Variants in MGA observed in about 807,000 individuals in gnomAD.
MGA encodes the protein MAX dimerization protein MGA, also known as MAX gene-associated protein.
MGA carries 40 observed loss-of-function variants against 261.1 expected under a neutral mutation model. The observed-to-expected ratio is 0.15, with a 90% confidence interval of 0.12 to 0.20. MGA has a LOEUF of 0.20. Ranked by LOEUF, MGA falls within the 10% of genes least tolerant of loss-of-function variation. The probability of loss-of-function intolerance (pLI) is 1.00; values close to 1 mark genes in which losing one functional copy is unlikely to be tolerated. For synonymous variants in MGA, 1,302 were observed against 1,290.6 expected, an observed-to-expected ratio of 1.01 and a Z score of -0.19; for missense variants, 3,397 against 3,630.5, an observed-to-expected ratio of 0.94 and a Z score of 1.65.
intron 13 of MGA, 61 bp from the exon 14 acceptor site, chr15:41,739,845 G>A: frequency 6.6e-7 from 1 of 1,520,494 alleles, no homozygotes; most frequent in Admixed American, 1.9e-5. Flanking sequence ...CCCCTGTCAA[G>A]GGAGAGGAGT....
chr15:41,745,281 T>TTAAAA lies in MGA; in HGVS notation c.5212+2109_5212+2110insTAAAA, dbSNP rs1555432883. ...GCGAGAAACACCCAAGAATGATCAA[T>TTAAAA]AAAAAAAAAAAAAAAAAAAAAAAAA... On this transcript the variant is annotated intron_variant, in intron 15 of 23. Transcript: ENST00000219905. 8.5e-3 allele frequency among the ~76,000 whole-genome samples: 283 copies of TTAAAA among 33,204 alleles called. 45 individuals are homozygous for TTAAAA. The highest frequency in any genetic ancestry group is 0.011 in the East Asian group (5 of 460). The allele number at this position is 33,204 out of a possible 152,430, so 21.8% of individuals were successfully genotyped here. A position where few individuals can be genotyped will look rare whatever the true frequency, so the allele number is the denominator to read the frequency against.
At chr15:41,742,474 C>T (rs994981866) in intron 14 of MGA, 72 bp from the exon 15 acceptor site, 25 of 1,531,392 alleles carry the variant, frequency 1.6e-5, no homozygotes, top group South Asian at 3.7e-5. Context: ...CAGTAAATGT[C>T]GGTAAGCACA....
intron 22 of MGA, among the ~76,000 whole-genome samples, chr15:41,764,469 G>C (rs375918327): frequency 1.1e-4 from 16 of 152,048 alleles, no homozygotes; most frequent in African/African-American, 3.9e-4. Context: ...TAGCCAGGAT[G>C]GTCTTGATCT....
At chr15:41,704,236 G>A (rs1211071819) in intron 5 of MGA, among the ~76,000 whole-genome samples, 2 of 151,466 alleles carry the variant, frequency 1.3e-5, no homozygotes, top group African/African-American at 4.9e-5. Flanking sequence ...TTAGAGATGG[G>A]GTCTCCCAGT....
At chr15:41,668,587 A>G (rs1481398840) in intron 1 of MGA, among the ~76,000 whole-genome samples, 1 of 152,134 alleles carries the variant, frequency 6.6e-6, no homozygotes, top group East Asian at 1.9e-4. Context: ...GTGAATTGTT[A>G]GAGGATTAGG....
rs760879764 is a variant in MGA, at chr15:41,696,183, C to T, written c.1173C>T (p.Tyr391=). ...AGGAACCTCTAGATGATTATGACTACGAACTTGGTGAGTGCCCAGAAGGGG... is the reference window on the plus strand; with the variant it reads ...AGGAACCTCTAGATGATTATGACTATGAACTTGGTGAGTGCCCAGAAGGGG... Residue 391 remains tyrosine, a synonymous_variant, in exon 3 of 24, where the codon TAC becomes TAT. Transcript: ENST00000219905. The T allele has an allele frequency of 1.4e-4, 222 of 1,613,884 alleles. No individual in the cohort carries two copies. The highest frequency in any genetic ancestry group is 3.7e-4 in the African/African-American group (28 of 75,010).
At chr15:41,745,730 G>A (rs372402447) in intron 15 of MGA, among the ~76,000 whole-genome samples, 11 of 151,916 alleles carry the variant, frequency 7.2e-5, no homozygotes, top group South Asian at 6.2e-4. Context: ...TCAGTCTCCC[G>A]AGTAGCTGGG....
At chr15:41,719,923 T>C (rs2060849147) in intron 9 of MGA, among the ~76,000 whole-genome samples, 1 of 152,202 alleles carries the variant, frequency 6.6e-6, no homozygotes, top group South Asian at 2.1e-4. Flanking sequence ...TTAATGAATA[T>C]GGTTAAATTG....
At chr15:41,685,627 T>C (rs2058913117) in intron 2 of MGA, among the ~76,000 whole-genome samples, 1 of 152,214 alleles carries the variant, frequency 6.6e-6, no homozygotes, top group Non-Finnish European at 1.5e-5. Context: ...CATAATTCAT[T>C]CTTTTCAGTC....
chr15:41,634,664 A>G (rs1595547165), intron 1 of MGA, among the ~76,000 whole-genome samples: 1 of 152,148 alleles, frequency 6.6e-6, no homozygotes, highest in African/African-American at 2.4e-5. Flanking sequence ...GTTGCTGGGT[A>G]TGAAGATTGT....
intron 17 of MGA, 171 bp downstream of exon 17, chr15:41,750,786 C>G: frequency 1.7e-6 from 1 of 592,548 alleles, no homozygotes; most frequent in Non-Finnish European, 2.8e-6. Context: ...AATCAAGCAT[C>G]ATTTATTGAG....
intron 5 of MGA, among the ~76,000 whole-genome samples, chr15:41,700,620 T>C (rs1455677483): frequency 2.0e-5 from 3 of 152,234 alleles, no homozygotes. Context: ...CTTTATTTTA[T>C]TGTAATGCAT....
chr15:41,695,450 G>A (rs2059508604), intron 2 of MGA, among the ~76,000 whole-genome samples: 1 of 152,186 alleles, frequency 6.6e-6, no homozygotes, highest in Non-Finnish European at 1.5e-5. Context: ...GCCTCCCAAA[G>A]TAGTGGGATT....
intron 18 of MGA, 137 bp from the exon 19 acceptor site, chr15:41,757,651 A>G: frequency 1.9e-6 from 1 of 537,698 alleles, no homozygotes; most frequent in Non-Finnish European, 3.4e-6. Context: ...TATAATGTCA[A>G]GTAAATAATG....
At chr15:41,633,103 C>A (rs967055679) in intron 1 of MGA, among the ~76,000 whole-genome samples, 2 of 151,826 alleles carry the variant, frequency 1.3e-5, no homozygotes, top group African/African-American at 4.8e-5. Flanking sequence ...AGGCGCGTGC[C>A]ACCACGCCTG....
chr15:41,668,796 T>A, intron 1 of MGA, 32 bp from the exon 2 acceptor site: 1 of 868,024 alleles, frequency 1.2e-6, no homozygotes, highest in East Asian at 2.5e-5. Context: ...AGGGTGTTTT[T>A]TGTTTTTGGT....
At chr15:41,682,726 C>A (rs1316513446) in intron 2 of MGA, among the ~76,000 whole-genome samples, 2 of 152,110 alleles carry the variant, frequency 1.3e-5, no homozygotes, top group Non-Finnish European at 2.9e-5. Flanking sequence ...AGTGATCCTC[C>A]TGCCTCAGCC....
intron 2 of MGA, among the ~76,000 whole-genome samples, chr15:41,679,271 G>C (rs958042901): frequency 1.3e-5 from 2 of 152,130 alleles, no homozygotes; most frequent in Non-Finnish European, 2.9e-5. Context: ...CCCTGACCTT[G>C]TGATCCGCCC....
At chr15:41,711,382 G>A in intron 8 of MGA, 33 bp downstream of exon 8, 1 of 1,541,794 alleles carries the variant, frequency 6.5e-7, no homozygotes, top group East Asian at 2.3e-5. Context: ...AGGTATATTA[G>A]TGCTTGGCTA....
Sources: gnomAD v4.1 joint callset for allele counts (sites outside exome capture counted in the v4.1 genomes callset) on GRCh38, gnomAD v4.1.1 for gene constraint, MANE v1.5 for transcripts, NCBI Gene and HGNC (gene_info 2026-07-23, HGNC 2026-07-21) for gene names.